IL1RAPL1: variants seen among roughly 807,000 people sequenced by gnomAD.
IL1RAPL1 encodes the protein interleukin-1 receptor accessory protein-like 1.
In IL1RAPL1, 3 loss-of-function variants were observed where a neutral mutation model predicts 48.4. The observed-to-expected ratio is 0.06, with a 90% CI of 0.03 to 0.16. The LOEUF (loss-of-function observed/expected upper bound fraction) is 0.16. Ranked by LOEUF, IL1RAPL1 falls within the 10% of genes least tolerant of loss-of-function variation. The pLI, the probability that IL1RAPL1 is intolerant of heterozygous loss-of-function variation, is 1.00. For synonymous variants in IL1RAPL1, 185 were observed against 187.7 expected (o/e 0.99, Z 0.12); for missense variants, 349 against 530.6 (o/e 0.66, Z 3.36).
Position 28,870,150 on chromosome X carries a change from G to A in IL1RAPL1, c.82+80725G>A, listed in dbSNP as rs148305609. 3.7e-3 allele frequency among the ~76,000 whole-genome samples: 416 copies of A among 111,025 alleles called. 1 individual carries two copies. The highest frequency in any genetic ancestry group is 0.012 in the African/African-American group (371 of 30,588). Reference sequence around the variant, plus strand: ...TCATCAGTTGATGTTCATTTCTGTTGCTTCCATCTTTTGGTTATTATGAGT... The same window carrying A: ...TCATCAGTTGATGTTCATTTCTGTTACTTCCATCTTTTGGTTATTATGAGT... On this transcript the variant is annotated intron_variant, in intron 2 of 10. Transcript: ENST00000378993.
rs1207885215 is a variant in IL1RAPL1 at position 28,768,755 on chromosome X, CTATA to C, written c.-24-20544_-24-20541del. ...TCTCTCTCTCTCTCTCTCTCTCTCTCTATATATATATATATATATATATACACAC... is the reference window on the plus strand; with the variant it reads ...TCTCTCTCTCTCTCTCTCTCTCTCTCTATATATATATATATATATACACAC... On this transcript the variant is annotated intron_variant, in intron 1 of 10. Coordinates refer to ENST00000378993, the MANE Select transcript of IL1RAPL1 (RefSeq NM_014271.4). Among the ~76,000 whole-genome samples, 315 of 34,838 alleles carry C rather than the reference CTATA, an allele frequency of 9.0e-3. 2 individuals are homozygous for C. The highest frequency in any genetic ancestry group is 0.032 in the African/African-American group (263 of 8,138). The allele number at this position is 34,838 out of a possible 115,157, so 30.3% of individuals were successfully genotyped here. A position where few individuals can be genotyped will look rare whatever the true frequency, so the allele number is the denominator to read the frequency against.
chrX:29,589,445 C>G (rs1354780539), intron 5 of IL1RAPL1, among the ~76,000 whole-genome samples: 1 of 108,727 alleles, frequency 9.2e-6, no homozygotes, highest in Admixed American at 9.7e-5. Context: ...CATGGCACTC[C>G]TATTTTCAGG....
intron 1 of IL1RAPL1, among the ~76,000 whole-genome samples, chrX:28,723,600 C>G (rs1935623293): frequency 9.0e-6 from 1 of 111,521 alleles, no homozygotes; most frequent in Admixed American, 9.6e-5. Context: ...TCCTTCAGTT[C>G]TGCTCTGATC....
At chrX:29,496,580 C>G (rs181349874) in intron 5 of IL1RAPL1, among the ~76,000 whole-genome samples, 2 of 107,502 alleles carry the variant, frequency 1.9e-5, no homozygotes, top group African/African-American at 6.8e-5. Context: ...GCCAGCACCA[C>G]GCTCCCTGTA....
chrX:29,115,166 A>G (rs774283715), intron 2 of IL1RAPL1, among the ~76,000 whole-genome samples: 163 of 112,108 alleles, frequency 1.5e-3, no homozygotes, highest in Non-Finnish European at 2.4e-3. Flanking sequence ...ATTTGATTAT[A>G]TTGTATGGTA....
At chrX:29,451,998 C>T (rs779485795) in intron 5 of IL1RAPL1, among the ~76,000 whole-genome samples, 1 of 111,247 alleles carries the variant, frequency 9.0e-6, no homozygotes, top group African/African-American at 3.3e-5. Flanking sequence ...AAAAGAAACA[C>T]TTGTCGTGGA....
intron 6 of IL1RAPL1, among the ~76,000 whole-genome samples, chrX:29,879,732 T>C (rs1185575610): frequency 2.7e-5 from 3 of 110,514 alleles, no homozygotes; most frequent in African/African-American, 9.8e-5. Context: ...AAACGCTCAT[T>C]TTCTTGTAGC....
intron 2 of IL1RAPL1, among the ~76,000 whole-genome samples, chrX:29,059,612 T>G (rs5943593): frequency 0.15 from 17,004 of 111,186 alleles, 1,097 homozygotes; most frequent in Non-Finnish European, 0.2. Context: ...TTCAACTGAA[T>G]GATCAAGCAT....
At chrX:28,688,025 A>C (rs1208361042) in intron 1 of IL1RAPL1, among the ~76,000 whole-genome samples, 1 of 102,974 alleles carries the variant, frequency 9.7e-6, no homozygotes, top group African/African-American at 3.6e-5. Flanking sequence ...AATCACTTGA[A>C]CCCAGGAGTT....
At chrX:29,191,776 TA>T (rs1930356548) in intron 2 of IL1RAPL1, among the ~76,000 whole-genome samples, 1 of 111,600 alleles carries the variant, frequency 9.0e-6, no homozygotes, top group African/African-American at 3.3e-5. Context: ...TTTCACTGGA[TA>T]AAAGTACCTC....
At chrX:29,326,077 A>T (rs1932840794) in intron 3 of IL1RAPL1, among the ~76,000 whole-genome samples, 1 of 112,421 alleles carries the variant, frequency 8.9e-6, no homozygotes, top group Non-Finnish European at 1.9e-5. Context: ...GGAGGGGACA[A>T]ACATCCGAAC....
At chrX:28,655,975 C>T (rs755884331) in intron 1 of IL1RAPL1, among the ~76,000 whole-genome samples, 1 of 111,335 alleles carries the variant, frequency 9.0e-6, no homozygotes, top group South Asian at 3.8e-4. Context: ...CAGAGGTAAT[C>T]GATTTCATTA....
At chrX:28,648,560 G>C (rs1163520043) in intron 1 of IL1RAPL1, among the ~76,000 whole-genome samples, 11 of 111,839 alleles carry the variant, frequency 9.8e-5, no homozygotes, top group Non-Finnish European at 1.7e-4. Context: ...GAACTACTTT[G>C]GTTTTGTCTC....
At chrX:28,931,216 ACTTT>A (rs1404719798) in intron 2 of IL1RAPL1, among the ~76,000 whole-genome samples, 2 of 111,926 alleles carry the variant, frequency 1.8e-5, no homozygotes, top group African/African-American at 6.5e-5. Flanking sequence ...AACCATGGGC[ACTTT>A]CTTTCCTCCT....
intron 5 of IL1RAPL1, among the ~76,000 whole-genome samples, chrX:29,546,694 C>T (rs754836107): frequency 9.0e-6 from 1 of 111,527 alleles, no homozygotes; most frequent in South Asian, 3.8e-4. Context: ...TTCTCACCTT[C>T]AGAGTAACTG....
intron 5 of IL1RAPL1, among the ~76,000 whole-genome samples, chrX:29,660,437 C>A (rs1169572940): frequency 8.9e-6 from 1 of 111,924 alleles, no homozygotes; most frequent in African/African-American, 3.2e-5. Flanking sequence ...CTAGCATATC[C>A]CCAATGTTTT....
At chrX:29,861,398 A>G (rs2147203874) in intron 6 of IL1RAPL1, among the ~76,000 whole-genome samples, 1 of 111,835 alleles carries the variant, frequency 8.9e-6, no homozygotes, top group East Asian at 2.8e-4. Context: ...GGCAATTGTG[A>G]TATGTAGTCA....
intron 1 of IL1RAPL1, among the ~76,000 whole-genome samples, chrX:28,650,747 C>G (rs1293363955): frequency 9.0e-6 from 1 of 111,321 alleles, no homozygotes; most frequent in South Asian, 3.8e-4. Context: ...TTTTATTAGC[C>G]CCACCTGTGC....
intron 2 of IL1RAPL1, among the ~76,000 whole-genome samples, chrX:29,098,728 A>G (rs1928268547): frequency 8.9e-6 from 1 of 112,776 alleles, no homozygotes. Context: ...AAGAATTTAC[A>G]AAATAGTGTT....
Sources: allele counts gnomAD v4.1 joint callset (sites outside exome capture counted in the v4.1 genomes callset), GRCh38; gene constraint gnomAD v4.1.1; transcripts MANE v1.5; gene names NCBI Gene and HGNC (gene_info 2026-07-23, HGNC 2026-07-21).